Variants in SGCD observed in about 807,000 individuals in gnomAD.
SGCD encodes sarcoglycan delta.
Under a neutral mutation model 36.6 loss-of-function variants are expected in SGCD, and 18 were observed. The observed-to-expected ratio is 0.49, with a 90% CI of 0.34 to 0.73. SGCD has a LOEUF of 0.73. SGCD is among the 30% of genes least tolerant of loss of function. The pLI, the probability that SGCD is intolerant of heterozygous loss-of-function variation, is 0.01. For synonymous variants in SGCD, 133 were observed against 130.6 expected, an observed-to-expected ratio of 1.02 and a Z score of -0.12; for missense variants, 387 against 346.7, an observed-to-expected ratio of 1.12 and a Z score of -0.92.
chr5:156,344,447 C>A (rs374093646), intron 2 of SGCD, 42 bp from the exon 3 acceptor site: 3 of 1,333,676 alleles, frequency 2.2e-6, no homozygotes, highest in African/African-American at 1.5e-5. Flanking sequence ...CTTCTCTCAG[C>A]GGTTTAATGT....
intron 3 of SGCD, among the ~76,000 whole-genome samples, chr5:156,416,329 G>T (rs1773031064): frequency 6.6e-6 from 1 of 152,130 alleles, no homozygotes; most frequent in Non-Finnish European, 1.5e-5. Flanking sequence ...GGACACAAAG[G>T]CATAAGAATG....
chr5:155,739,182 T>G, the SGCD span, among the ~76,000 whole-genome samples: 1 of 152,156 alleles, frequency 6.6e-6, no homozygotes, highest in Non-Finnish European at 1.5e-5. Flanking sequence ...TCCCTGCCCT[T>G]GAAGAATATG....
intron 3 of SGCD, among the ~76,000 whole-genome samples, chr5:156,204,969 A>G (rs1764239679): frequency 6.6e-6 from 1 of 152,128 alleles, no homozygotes; most frequent in African/African-American, 2.4e-5. Context: ...AGGCACAGAG[A>G]TGTTGAATCT....
At chr5:156,339,088 G>A (rs557650292) in intron 2 of SGCD, among the ~76,000 whole-genome samples, 4 of 152,206 alleles carry the variant, frequency 2.6e-5, no homozygotes, top group African/African-American at 9.6e-5. Flanking sequence ...TGACCTTCTT[G>A]GGAAACTCTA....
At chr5:156,602,650 T>G (rs747945611) in intron 6 of SGCD, among the ~76,000 whole-genome samples, 1 of 152,138 alleles carries the variant, frequency 6.6e-6, no homozygotes, top group Non-Finnish European at 1.5e-5. Flanking sequence ...TTTCTTGCAA[T>G]TGGATTTTGA....
At chr5:156,718,718 C>T (rs1755337840) in intron 7 of SGCD, among the ~76,000 whole-genome samples, 1 of 150,672 alleles carries the variant, frequency 6.6e-6, no homozygotes, top group Non-Finnish European at 1.5e-5. Flanking sequence ...TCTATAATAC[C>T]AGCACTTTGG....
intron 1 of SGCD, among the ~76,000 whole-genome samples, chr5:155,887,498 G>A (rs1025230190): frequency 2.7e-5 from 4 of 148,644 alleles, no homozygotes; most frequent in African/African-American, 9.9e-5. Flanking sequence ...TCTGTGTAGA[G>A]TGGAGGTGAC....
At chr5:156,653,493 C>CTTTTTTTTT (rs111458843) in intron 7 of SGCD, among the ~76,000 whole-genome samples, 3 of 48,094 alleles carry the variant, frequency 6.2e-5, no homozygotes, top group Admixed American at 3.7e-4. Flanking sequence ...CTAAAGCTTG[C>CTTTTTTTTT]TTTTTTTTTT....
intron 3 of SGCD, among the ~76,000 whole-genome samples, chr5:156,461,106 G>C (rs1039574461): frequency 6.6e-6 from 1 of 152,064 alleles, no homozygotes; most frequent in African/African-American, 2.4e-5. Flanking sequence ...TAAACCAGGA[G>C]TACCTTTCAA....
chr5:156,300,882 A>C (rs943550002), intron 3 of SGCD, among the ~76,000 whole-genome samples: 1 of 151,848 alleles, frequency 6.6e-6, no homozygotes, highest in East Asian at 1.9e-4. Flanking sequence ...CTTTTTTTAT[A>C]GTTTTTATCT....
chr5:155,803,962 A>G, the SGCD span, among the ~76,000 whole-genome samples: 3 of 152,202 alleles, frequency 2.0e-5, no homozygotes, highest in Non-Finnish European at 2.9e-5. Context: ...TATGTAATAC[A>G]GTCATCTGAA....
At chr5:156,373,003 G>T (rs1425187373) in intron 3 of SGCD, among the ~76,000 whole-genome samples, 2 of 152,054 alleles carry the variant, frequency 1.3e-5, no homozygotes, top group African/African-American at 4.8e-5. Context: ...GTAGAGAAAT[G>T]TAGTGATTTG....
chr5:156,082,988 T>C (rs1184818829), intron 1 of SGCD, among the ~76,000 whole-genome samples: 2 of 152,172 alleles, frequency 1.3e-5, no homozygotes, highest in Non-Finnish European at 2.9e-5. Flanking sequence ...TATCTCATTG[T>C]AGTTTTAATT....
chr5:156,601,648 C>A, intron 6 of SGCD, among the ~76,000 whole-genome samples: 1 of 151,900 alleles, frequency 6.6e-6, no homozygotes, highest in Non-Finnish European at 1.5e-5. Context: ...GAATTTTTTT[C>A]CTATTTCTGT....
At chr5:156,025,468 T>C (rs530210207) in intron 1 of SGCD, among the ~76,000 whole-genome samples, 1 of 152,340 alleles carries the variant, frequency 6.6e-6, no homozygotes, top group African/African-American at 2.4e-5. Context: ...TGCCAGACTT[T>C]GTTGGAGCTT....
At chr5:155,983,755 G>T (rs1001205928) in intron 1 of SGCD, among the ~76,000 whole-genome samples, 1 of 152,204 alleles carries the variant, frequency 6.6e-6, no homozygotes, top group Non-Finnish European at 1.5e-5. Flanking sequence ...TGACAAATTT[G>T]TACTGATTGC....
Position 156,556,708 on chromosome 5 carries a change from T to C in SGCD, c.295-32523T>C, listed in dbSNP as rs115132068. Among the ~76,000 whole-genome samples, 1,187 of 152,302 alleles carry C rather than the reference T, an allele frequency of 7.8e-3. 9 individuals are homozygous for C. Among genetic ancestry groups the C allele is most frequent in the Non-Finnish European group, 0.012 (785 of 67,998 alleles). On this transcript the variant is annotated intron_variant, in intron 4 of 8. Transcript: ENST00000337851. The stretch of plus-strand genomic sequence containing the variant: ...AAGCAAGGAGCAATGTAGAGTCAAG[T>C]CATGTGCATTTTACTCTCAGATTGC...
Position 156,078,753 on chromosome 5 carries a change from A to C in SGCD, c.-281-39125A>C, listed in dbSNP as rs190025066. ...TTGCTCAGTTTTCCTTAATGGTATTATTTTGCTAAACTAGTATAATTTTAC... is the reference window on the plus strand; with the variant it reads ...TTGCTCAGTTTTCCTTAATGGTATTCTTTTGCTAAACTAGTATAATTTTAC... On this transcript the variant is annotated intron_variant, in intron 1 of 9. Transcript: ENST00000517913. Among the ~76,000 whole-genome samples, 119 of 150,456 alleles carry C rather than the reference A, an allele frequency of 7.9e-4. 1 individual carries two copies. The highest frequency in any genetic ancestry group is 3.5e-3 in the Middle Eastern group (1 of 286).
At chr5:156,568,085 T>C (rs1453216192) in intron 4 of SGCD, among the ~76,000 whole-genome samples, 2 of 152,046 alleles carry the variant, frequency 1.3e-5, no homozygotes, top group Non-Finnish European at 2.9e-5. Flanking sequence ...TTCTAAGAGG[T>C]AGGGATAAGA....
Sources: allele counts gnomAD v4.1 joint callset (sites outside exome capture counted in the v4.1 genomes callset), GRCh38; gene constraint gnomAD v4.1.1; transcripts MANE v1.5; gene names NCBI Gene and HGNC (gene_info 2026-07-23, HGNC 2026-07-21).